Variants in BTRC observed in about 807,000 individuals in gnomAD.
BTRC encodes the protein F-box/WD repeat-containing protein 1A.
A neutral mutation model predicts 85.5 loss-of-function variants in BTRC; 42 were observed. The observed-to-expected ratio is 0.49, with a 90% CI of 0.38 to 0.64. BTRC has a LOEUF of 0.64. Among genes scored for constraint, BTRC ranks in the 30% least tolerant of loss-of-function variants. The probability of loss-of-function intolerance (pLI) is 0.00; values close to 1 mark genes in which losing one functional copy is unlikely to be tolerated. For missense variants in BTRC, 594 were observed against 743.5 expected, an observed-to-expected ratio of 0.80 and a Z score of 2.34; for synonymous variants, 255 against 263.3, an observed-to-expected ratio of 0.97 and a Z score of 0.30.
chr10:101,378,606 C>A (rs1405768001), intron 1 of BTRC, among the ~76,000 whole-genome samples: 1 of 150,656 alleles, frequency 6.6e-6, no homozygotes, highest in African/African-American at 2.5e-5. Context: ...TGCACTGCAA[C>A]CCCTACCTCC....
In BTRC at chr10:101,534,641, A is replaced by C. The variant is rs549051992; in HGVS notation, c.1098-20A>C. On this transcript the variant is annotated intron_variant, in intron 9 of 14. Coordinates refer to ENST00000370187, the MANE Select transcript of BTRC (RefSeq NM_033637.4). ...AGATTGTAGCTTGAGTACCATCTAA[A>C]TCTCATCTATCACTTCCAGAGTGTG... 6.2e-7 allele frequency: 1 copy of C among 1,613,768 alleles called. No homozygotes were observed. The highest frequency in any genetic ancestry group is 8.5e-7 in the Non-Finnish European group (1 of 1,179,770).
At chr10:101,367,054 AT>A (rs1942481097) in intron 1 of BTRC, among the ~76,000 whole-genome samples, 1 of 96,650 alleles carries the variant, frequency 1.0e-5, no homozygotes, top group Non-Finnish European at 1.9e-5. Flanking sequence ...ATATATATAT[AT>A]ATAAATATAA....
chr10:101,485,110 A>G (rs927631625), intron 4 of BTRC, among the ~76,000 whole-genome samples: 2 of 152,186 alleles, frequency 1.3e-5, no homozygotes, highest in Non-Finnish European at 2.9e-5. Flanking sequence ...AGCATATGCC[A>G]TTGGTTGAGG....
At chr10:101,513,132 A>G (rs2061978131) in intron 4 of BTRC, among the ~76,000 whole-genome samples, 1 of 152,224 alleles carries the variant, frequency 6.6e-6, no homozygotes, top group Non-Finnish European at 1.5e-5. Flanking sequence ...TTTACTTTAG[A>G]TAATTGTAGA....
At chr10:101,405,704 G>T (rs2134010268) in intron 1 of BTRC, among the ~76,000 whole-genome samples, 1 of 152,306 alleles carries the variant, frequency 6.6e-6, no homozygotes, top group East Asian at 1.9e-4. Flanking sequence ...CTTAGTGGTT[G>T]CCTTCAGTGG....
chr10:101,363,468 C>CT (rs923630275), intron 1 of BTRC, among the ~76,000 whole-genome samples: 22 of 137,654 alleles, frequency 1.6e-4, no homozygotes, highest in East Asian at 2.0e-4. Context: ...TTTGTTTTTT[C>CT]TTTTTTTTGA....
intron 1 of BTRC, among the ~76,000 whole-genome samples, chr10:101,411,181 A>G (rs558684365): frequency 6.6e-6 from 1 of 151,962 alleles, no homozygotes; most frequent in East Asian, 1.9e-4. Context: ...TTCAGTAGAG[A>G]TGGGATTTCA....
chr10:101,527,617 G>T (rs1195914279), intron 6 of BTRC, among the ~76,000 whole-genome samples: 2 of 152,128 alleles, frequency 1.3e-5, no homozygotes, highest in Non-Finnish European at 2.9e-5. Context: ...AGCTGGGCCT[G>T]GTGGCGCATG....
At chr10:101,398,667 C>T (rs10883637) in intron 1 of BTRC, among the ~76,000 whole-genome samples, 54,526 of 152,006 alleles carry the variant, frequency 0.36, 10,936 homozygotes, top group Middle Eastern at 0.48. Context: ...GTGTGAGTTG[C>T]GTACACTAAT....
At position 101,385,615 on chromosome 10, in the gene BTRC, C is replaced by CTTTTTTTTTTTTTTTTTTTTTTTTTTTT. The variant is rs146804594; in HGVS notation, c.48+31389_48+31390insTTTTTTTTTTTTTTTTTTTTTTTTTTTT. Among the ~76,000 whole-genome samples, 15 of 48,894 alleles carry CTTTTTTTTTTTTTTTTTTTTTTTTTTTT rather than the reference C, an allele frequency of 3.1e-4. 2 individuals carry two copies. Among genetic ancestry groups the CTTTTTTTTTTTTTTTTTTTTTTTTTTTT allele is most frequent in the East Asian group, 7.9e-4 (2 of 2,530 alleles). 32.1% of individuals were successfully genotyped at this position (48,894 alleles called of 152,430 possible). ...TTTTCTTTGTTCTTTCTTTCTTCTT[C>CTTTTTTTTTTTTTTTTTTTTTTTTTTTT]TTCTTTTTTTTTTTTTTTGTGTGTT... On this transcript the variant is annotated intron_variant, in intron 1 of 14. Coordinates refer to ENST00000370187, the MANE Select transcript of BTRC (RefSeq NM_033637.4).
intron 1 of BTRC, among the ~76,000 whole-genome samples, chr10:101,389,171 A>G (rs1463788416): frequency 8.5e-6 from 1 of 118,300 alleles, no homozygotes; most frequent in Non-Finnish European, 1.6e-5. Flanking sequence ...ATACTAATAA[A>G]TGGTGCCACC....
intron 1 of BTRC, among the ~76,000 whole-genome samples, chr10:101,391,842 A>G (rs1943243152): frequency 6.6e-6 from 1 of 152,236 alleles, no homozygotes; most frequent in African/African-American, 2.4e-5. Flanking sequence ...AATTGTGTCC[A>G]GATAGTTGTA....
chr10:101,496,635 T>G (rs1946269139), intron 4 of BTRC, among the ~76,000 whole-genome samples: 1 of 152,144 alleles, frequency 6.6e-6, no homozygotes, highest in African/African-American at 2.4e-5. Context: ...GTATACAGTT[T>G]ATTAGCTTTA....
At chr10:101,411,432 T>C (rs1197975004) in intron 1 of BTRC, among the ~76,000 whole-genome samples, 2 of 152,346 alleles carry the variant, frequency 1.3e-5, no homozygotes, top group South Asian at 2.1e-4. Flanking sequence ...ACACCAGATA[T>C]GCATGTGTTA....
chr10:101,538,868 T>C (rs943776754), intron 13 of BTRC, among the ~76,000 whole-genome samples: 1 of 151,802 alleles, frequency 6.6e-6, no homozygotes, highest in Non-Finnish European at 1.5e-5. Flanking sequence ...ACCAACACGG[T>C]GAAACCCCAT....
chr10:101,418,956 A>G (rs1466874605), intron 1 of BTRC, among the ~76,000 whole-genome samples: 1 of 152,064 alleles, frequency 6.6e-6, no homozygotes, highest in African/African-American at 2.4e-5. Context: ...AAGCTAATTA[A>G]CATATCTGTA....
intron 8 of BTRC, among the ~76,000 whole-genome samples, 163 bp from the exon 9 acceptor site, chr10:101,532,789 T>TGTGTGTGTGTGTGC (rs57980548): frequency 1.4e-4 from 11 of 78,238 alleles, no homozygotes; most frequent in African/African-American, 4.6e-4. Context: ...TGTGTGTGTG[T>TGTGTGTGTGTGTGC]GCGCGTGTGC....
At chr10:101,476,688 C>T (rs1378318358) in intron 3 of BTRC, among the ~76,000 whole-genome samples, 2 of 151,964 alleles carry the variant, frequency 1.3e-5, no homozygotes, top group African/African-American at 2.4e-5. Flanking sequence ...AAGTAGCCCT[C>T]CTGCCTCTAC....
chr10:101,354,102 AT>A, upstream of BTRC: 1 of 1,499,004 alleles, frequency 6.7e-7, no homozygotes, highest in Non-Finnish European at 9.1e-7. Flanking sequence ...AGGAGGCGGG[AT>A]CCGGGCGCTG....
Sources: allele counts gnomAD v4.1 joint callset (sites outside exome capture counted in the v4.1 genomes callset), GRCh38; gene constraint gnomAD v4.1.1; transcripts MANE v1.5; gene names NCBI Gene and HGNC (gene_info 2026-07-23, HGNC 2026-07-21).